The following GALNTL5 variants were observed in gnomAD, a reference collection of about 807,000 sequenced individuals.
GALNTL5 encodes the protein polypeptide N-acetylgalactosaminyltransferase like 5, also known as inactive polypeptide N-acetylgalactosaminyltransferase-like protein 5.
In GALNTL5, 44 loss-of-function variants were observed where a neutral mutation model predicts 51.0. The observed-to-expected ratio is 0.86, with a 90% confidence interval of 0.68 to 1.11. The LOEUF is 1.11. Ranked by LOEUF, GALNTL5 falls within the 50% of genes least tolerant of loss-of-function variation. GALNTL5 has a pLI of 0.00. For synonymous variants in GALNTL5, 192 were observed against 182.8 expected, an observed-to-expected ratio of 1.05 and a Z score of -0.41; for missense variants, 528 against 531.8, an observed-to-expected ratio of 0.99 and a Z score of 0.07.
intron 5 of GALNTL5, among the ~76,000 whole-genome samples, chr7:151,989,430 A>G (rs1268368495): frequency 6.6e-6 from 1 of 152,202 alleles, no homozygotes; most frequent in Non-Finnish European, 1.5e-5. Context: ...TGAGATTACA[A>G]GTGTGAGCCA....
chr7:152,002,282 A>G (rs1355441893), intron 5 of GALNTL5, among the ~76,000 whole-genome samples: 1 of 136,476 alleles, frequency 7.3e-6, no homozygotes, highest in Non-Finnish European at 1.5e-5. Flanking sequence ...TCCATCTCAG[A>G]AAAAAAAAAA....
At chr7:152,004,275 A>T (rs1456997220) in intron 6 of GALNTL5, among the ~76,000 whole-genome samples, 2 of 151,208 alleles carry the variant, frequency 1.3e-5, no homozygotes, top group Admixed American at 1.3e-4. Flanking sequence ...ACCATAAAAA[A>T]TGTTCTGTCA....
chr7:151,991,420 TA>T (rs199617353), intron 5 of GALNTL5, among the ~76,000 whole-genome samples: 13 of 151,684 alleles, frequency 8.6e-5, no homozygotes, highest in African/African-American at 1.7e-4. Flanking sequence ...CTTCCTCATG[TA>T]AAAAAAAATT....
chr7:151,979,474 AG>A (rs905106837), intron 3 of GALNTL5, among the ~76,000 whole-genome samples: 2 of 147,372 alleles, frequency 1.4e-5, no homozygotes, highest in African/African-American at 2.5e-5. Flanking sequence ...TGGTGGGGGG[AG>A]GGGGGCAGAG....
chr7:151,972,742 G>A (rs1005993239), intron 3 of GALNTL5, among the ~76,000 whole-genome samples: 8 of 152,232 alleles, frequency 5.3e-5, no homozygotes, highest in Admixed American at 2.6e-4. Context: ...GTGCACAGAA[G>A]ACAAGAGTTG....
intron 3 of GALNTL5, among the ~76,000 whole-genome samples, chr7:151,982,395 C>T (rs1586824084): frequency 6.6e-6 from 1 of 152,118 alleles, no homozygotes; most frequent in East Asian, 1.9e-4. Context: ...GCCTGGGCAA[C>T]AAGAGTGAAA....
intron 3 of GALNTL5, among the ~76,000 whole-genome samples, chr7:151,978,435 C>T (rs934759750): frequency 9.9e-5 from 15 of 152,100 alleles, no homozygotes; most frequent in African/African-American, 7.2e-5. Flanking sequence ...GCCTGAAAAC[C>T]AACAGCACTG....
At chr7:151,982,628 T>C (rs1325373539) in intron 3 of GALNTL5, among the ~76,000 whole-genome samples, 8 of 148,020 alleles carry the variant, frequency 5.4e-5, no homozygotes, top group Non-Finnish European at 7.5e-5. Flanking sequence ...CCTGCCATGG[T>C]GACAGCAAAA....
chr7:152,000,185 T>G (rs1420005281), intron 5 of GALNTL5, among the ~76,000 whole-genome samples: 1 of 152,234 alleles, frequency 6.6e-6, no homozygotes, highest in Non-Finnish European at 1.5e-5. Context: ...TTAGTAGCTG[T>G]ATTTATGGCA....
At chr7:151,971,906 G>A (rs2081149367) in intron 3 of GALNTL5, among the ~76,000 whole-genome samples, 1 of 152,094 alleles carries the variant, frequency 6.6e-6, no homozygotes, top group South Asian at 2.1e-4. Flanking sequence ...GTTTCCTGAG[G>A]CTTCCCAGCC....
In GALNTL5 at chr7:152,015,517, G is replaced by A. The variant is rs369394846; in HGVS notation, c.1176+724G>A. Among the ~76,000 whole-genome samples, 5 of 151,944 alleles carry A rather than the reference G, an allele frequency of 3.3e-5. No individual in the cohort carries two copies. In the East Asian group the frequency reaches 5.8e-4, roughly 18 times the overall value. On this transcript the variant is annotated intron_variant, in intron 8 of 8. Transcript: ENST00000392800. ...TGGGACTACAGGCGCATACCATCAG[G>A]CCTGGCTAATTTTTGTATTTTTAGT...
intron 3 of GALNTL5, among the ~76,000 whole-genome samples, chr7:151,980,737 A>AT (rs61288964): frequency 0.28 from 27,355 of 97,808 alleles, 7,148 homozygotes; most frequent in Non-Finnish European, 0.31. Context: ...GCTAACAATG[A>AT]TTTTTTTTTT....
intron 4 of GALNTL5, 61 bp from the exon 5 acceptor site, chr7:151,987,098 A>C (rs1212477761): frequency 1.9e-5 from 26 of 1,372,272 alleles, no homozygotes; most frequent in Non-Finnish European, 2.5e-5. Flanking sequence ...TAATGATGAT[A>C]CACTGTTTCA....
chr7:151,957,016 C>G (rs1411426075), intron 1 of GALNTL5, among the ~76,000 whole-genome samples: 1 of 151,612 alleles, frequency 6.6e-6, no homozygotes, highest in East Asian at 1.9e-4. Flanking sequence ...GTTAAAAATG[C>G]TGATTATAAA....
At chr7:151,994,472 G>C (rs769040644) in intron 5 of GALNTL5, among the ~76,000 whole-genome samples, 4 of 151,930 alleles carry the variant, frequency 2.6e-5, no homozygotes, top group Non-Finnish European at 4.4e-5. Flanking sequence ...AGGGCCTGCC[G>C]TGATGTGCTC....
intron 3 of GALNTL5, among the ~76,000 whole-genome samples, chr7:151,974,602 G>A (rs1222167718): frequency 6.6e-6 from 1 of 152,128 alleles, no homozygotes; most frequent in East Asian, 1.9e-4. Context: ...ATGTATCTGG[G>A]TCATGATAAA....
At chr7:152,019,558 A>C (rs1427392492) in intron 8 of GALNTL5, 88 bp from the exon 9 acceptor site, 8 of 1,304,568 alleles carry the variant, frequency 6.1e-6, no homozygotes, top group East Asian at 4.7e-5. Flanking sequence ...ACATGATGAA[A>C]ATACATGCGT....
chr7:151,964,071 T>C (rs977884460), intron 1 of GALNTL5, among the ~76,000 whole-genome samples: 2 of 152,096 alleles, frequency 1.3e-5, no homozygotes, highest in Admixed American at 6.5e-5. Context: ...GCAGGTTTGG[T>C]TTCCCTGAGG....
rs1436157712 is a variant in GALNTL5 at position 152,008,047 on chromosome 7, A to T, written c.1026+103A>T. 21 of 698,030 alleles carry T rather than the reference A, an allele frequency of 3.0e-5. No homozygotes were observed. In the South Asian group the frequency reaches 3.7e-4, roughly 12 times the overall value. 43.2% of individuals were successfully genotyped at this position (698,030 alleles called of 1,614,324 possible). ...GCTCAATTTTCCTACATGAACATCC[A>T]GTACCATTCCAGCAGCACATGCAAT... is the stretch of plus-strand genomic sequence containing the variant. On this transcript the variant is annotated intron_variant, in intron 7 of 8. Transcript: ENST00000392800.
Sources: allele counts gnomAD v4.1 joint callset (sites outside exome capture counted in the v4.1 genomes callset), GRCh38; gene constraint gnomAD v4.1.1; transcripts MANE v1.5; gene names NCBI Gene and HGNC (gene_info 2026-07-23, HGNC 2026-07-21).